The following GLIS3 variants were observed in gnomAD, a reference collection of about 807,000 sequenced individuals.
GLIS3 encodes GLIS family zinc finger 3.
A neutral mutation model predicts 78.6 loss-of-function variants in GLIS3; 53 were observed. The observed-to-expected ratio is 0.67, with a 90% CI of 0.54 to 0.85. The LOEUF is 0.85. Among genes scored for constraint, GLIS3 ranks in the 40% least tolerant of loss-of-function variants. The pLI is 0.00. For missense variants in GLIS3, 1,703 were observed against 1,231.1 expected, an observed-to-expected ratio of 1.38 and a Z score of -5.74; for synonymous variants, 684 against 509.9, an observed-to-expected ratio of 1.34 and a Z score of -4.60.
chr9:4,146,703 G>A (rs1194017850), intron 2 of GLIS3, among the ~76,000 whole-genome samples: 1 of 152,176 alleles, frequency 6.6e-6, no homozygotes, highest in African/African-American at 2.4e-5. Context: ...ACAGAACCCT[G>A]AATAAACTTC....
chr9:4,439,497 CT>C, the GLIS3 span, among the ~76,000 whole-genome samples: 79 of 152,160 alleles, frequency 5.2e-4, no homozygotes, highest in Admixed American at 2.0e-3. Flanking sequence ...TTTGCCTATT[CT>C]GGGCAAAAAT....
At chr9:4,366,200 T>C in the GLIS3 span, among the ~76,000 whole-genome samples, 1 of 152,198 alleles carries the variant, frequency 6.6e-6, no homozygotes, top group African/African-American at 2.4e-5. Context: ...CTTATGGCTG[T>C]ATTTAAACCA....
chr9:3,836,753 G>C (rs566840570), intron 9 of GLIS3, among the ~76,000 whole-genome samples: 5 of 152,262 alleles, frequency 3.3e-5, no homozygotes, highest in African/African-American at 1.2e-4. Context: ...AGCCACACCA[G>C]GGTTGCTGTT....
chr9:3,872,264 A>T (rs151136294), intron 8 of GLIS3, among the ~76,000 whole-genome samples: 2 of 152,184 alleles, frequency 1.3e-5, no homozygotes, highest in East Asian at 3.8e-4. Context: ...ACATTTTCCT[A>T]TCTTCTTCTG....
chr9:4,144,393 G>A (rs963811231), intron 2 of GLIS3, among the ~76,000 whole-genome samples: 8 of 152,102 alleles, frequency 5.3e-5, no homozygotes, highest in Non-Finnish European at 8.8e-5. Context: ...GAGAGGGCGA[G>A]GGAAAAAAAG....
chr9:3,981,868 G>A (rs1350776699), intron 4 of GLIS3, among the ~76,000 whole-genome samples: 1 of 152,054 alleles, frequency 6.6e-6, no homozygotes, highest in Non-Finnish European at 1.5e-5. Context: ...GCTTTCATGG[G>A]ACATTCAAAA....
intron 2 of GLIS3, among the ~76,000 whole-genome samples, chr9:4,246,528 T>C (rs1271907743): frequency 6.6e-6 from 1 of 152,222 alleles, no homozygotes; most frequent in African/African-American, 2.4e-5. Context: ...TCAGGATGTC[T>C]AATGTCTCCC....
At chr9:3,847,939 G>T (rs1563772126) in intron 9 of GLIS3, among the ~76,000 whole-genome samples, 1 of 152,294 alleles carries the variant, frequency 6.6e-6, no homozygotes, top group South Asian at 2.1e-4. Context: ...GATTATGACT[G>T]CTGATGATAA....
the GLIS3 span, among the ~76,000 whole-genome samples, chr9:4,420,859 C>G: frequency 6.6e-6 from 1 of 152,198 alleles, no homozygotes; most frequent in East Asian, 1.9e-4. Flanking sequence ...TAATAGCCAC[C>G]TGAAATTGTT....
At chr9:4,127,361 C>A (rs1232542345) in intron 2 of GLIS3, among the ~76,000 whole-genome samples, 1 of 152,106 alleles carries the variant, frequency 6.6e-6, no homozygotes, top group Non-Finnish European at 1.5e-5. Flanking sequence ...TCATTTGCTC[C>A]AAAAGAAATT....
chr9:4,068,266 T>C (rs117675245), intron 4 of GLIS3, among the ~76,000 whole-genome samples: 5 of 152,098 alleles, frequency 3.3e-5, no homozygotes, highest in African/African-American at 1.2e-4. Flanking sequence ...AATCAAATCC[T>C]AAAACTTCAG....
chr9:3,979,422 T>G (rs1819055811), intron 4 of GLIS3, among the ~76,000 whole-genome samples: 1 of 152,236 alleles, frequency 6.6e-6, no homozygotes, highest in African/African-American at 2.4e-5. Flanking sequence ...CTGCAGCATC[T>G]AAATAGCACA....
intron 4 of GLIS3, among the ~76,000 whole-genome samples, chr9:3,949,181 T>C (rs1462951679): frequency 6.6e-6 from 1 of 152,216 alleles, no homozygotes; most frequent in African/African-American, 2.4e-5. Context: ...TCTTTCTTTT[T>C]TTCTCTTACA....
intron 4 of GLIS3, among the ~76,000 whole-genome samples, chr9:4,099,766 A>G (rs1830226901): frequency 6.6e-6 from 1 of 152,226 alleles, no homozygotes; most frequent in African/African-American, 2.4e-5. Context: ...ATGAAGAGAA[A>G]TATCATATTT....
intron 4 of GLIS3, among the ~76,000 whole-genome samples, chr9:4,009,859 G>A (rs1039727054): frequency 1.3e-5 from 2 of 152,168 alleles, no homozygotes; most frequent in African/African-American, 4.8e-5. Context: ...AGGGTCTGAG[G>A]AGGGGTCTGG....
chr9:3,895,550 T>A lies in GLIS3; in HGVS notation c.2128+3141A>T, dbSNP rs551951730. 4.6e-5 allele frequency among the ~76,000 whole-genome samples: 7 copies of A among 152,338 alleles called. No individual in the cohort carries two copies. The South Asian group carries it at 8.3e-4, about 18-fold the overall frequency. ...ATTTGGCTGCTTTAACCTGGGACGC[T>A]ATTATCTTTCACAGAAATAAAAGTA... is the stretch of plus-strand genomic sequence containing the variant. On this transcript the variant is annotated intron_variant, in intron 7 of 10. Transcript: ENST00000381971.
intron 4 of GLIS3, among the ~76,000 whole-genome samples, chr9:4,094,399 T>A (rs1000172738): frequency 6.6e-6 from 1 of 152,140 alleles, no homozygotes; most frequent in Admixed American, 6.5e-5. Flanking sequence ...TTAATTTTTG[T>A]TTTTTTACTC....
At chr9:4,129,176 T>C (rs1017247734) in intron 2 of GLIS3, among the ~76,000 whole-genome samples, 19 of 152,218 alleles carry the variant, frequency 1.2e-4, no homozygotes, top group African/African-American at 4.3e-4. Flanking sequence ...TGAACACCTA[T>C]ACCTCCAGAC....
chr9:3,965,835 CG>C (rs1817899264), intron 4 of GLIS3, among the ~76,000 whole-genome samples: 1 of 152,170 alleles, frequency 6.6e-6, no homozygotes, highest in Non-Finnish European at 1.5e-5. Flanking sequence ...CCCCAGGAAA[CG>C]AAGAGAAATG....
Sources: gnomAD v4.1 joint callset for allele counts (sites outside exome capture counted in the v4.1 genomes callset) on GRCh38, gnomAD v4.1.1 for gene constraint, MANE v1.5 for transcripts, NCBI Gene and HGNC (gene_info 2026-07-23, HGNC 2026-07-21) for gene names.